TENM2: variants seen among roughly 807,000 people sequenced by gnomAD.
The protein encoded by TENM2 is teneurin-2.
Under a neutral mutation model 245.2 loss-of-function variants are expected in TENM2, and 52 were observed. The ratio of observed to expected loss-of-function variants is 0.21; its 90% confidence interval spans 0.17 to 0.27. TENM2 has a LOEUF of 0.27. Among genes scored for constraint, TENM2 ranks in the 10% least tolerant of loss-of-function variants. TENM2 has a pLI of 1.00. For missense variants in TENM2, 3,046 were observed against 3,666.8 expected (o/e 0.83, Z 4.37); for synonymous variants, 1,363 against 1,438.9 (o/e 0.95, Z 1.19).
chr5:167,756,333 A>G (rs140817924), intron 2 of TENM2, among the ~76,000 whole-genome samples: 111 of 152,026 alleles, frequency 7.3e-4, no homozygotes, highest in African/African-American at 2.6e-3. Flanking sequence ...CTTTTCCACA[A>G]CTCAACCCCA....
intron 19 of TENM2, 115 bp downstream of exon 21, chr5:168,204,736 A>G (rs1456473707): frequency 7.5e-7 from 1 of 1,337,254 alleles, no homozygotes; most frequent in African/African-American, 1.5e-5. Context: ...AGTCCTTGTG[A>G]TCCAAAACCT....
chr5:167,233,569 ACTTTATTAC>A, the TENM2 span, among the ~76,000 whole-genome samples: 1 of 152,062 alleles, frequency 6.6e-6, no homozygotes, highest in African/African-American at 2.4e-5. Flanking sequence ...AAGCAAATCT[ACTTTATTAC>A]AATTAGGGAG....
intron 2 of TENM2, among the ~76,000 whole-genome samples, chr5:167,816,871 C>T (rs1268685660): frequency 6.6e-6 from 1 of 152,080 alleles, no homozygotes; most frequent in Non-Finnish European, 1.5e-5. Context: ...TTATTGCTGG[C>T]TCTACCATTA....
intron 17 of TENM2, among the ~76,000 whole-genome samples, chr5:168,201,007 T>C (rs1224237978): frequency 6.6e-6 from 1 of 152,154 alleles, no homozygotes; most frequent in African/African-American, 2.4e-5. Context: ...TCCTTTTGTG[T>C]AGAGAGAATT....
intron 2 of TENM2, among the ~76,000 whole-genome samples, chr5:167,872,027 T>C (rs1214683870): frequency 1.3e-5 from 2 of 151,938 alleles, no homozygotes; most frequent in Admixed American, 6.6e-5. Context: ...GGCATGATGG[T>C]TCATGCCTGT....
intron 2 of TENM2, among the ~76,000 whole-genome samples, chr5:167,619,434 G>C (rs917820931): frequency 6.6e-6 from 1 of 152,098 alleles, no homozygotes; most frequent in South Asian, 2.1e-4. Flanking sequence ...CTGTGAAATT[G>C]AACCTAGAGG....
intron 24 of TENM2, 99 bp from the exon 27 acceptor site, chr5:168,227,796 A>G: frequency 5.3e-6 from 4 of 760,994 alleles, no homozygotes; most frequent in Non-Finnish European, 6.3e-6. Flanking sequence ...GCAAAGTACC[A>G]TGGAAACCTA....
intron 2 of TENM2, among the ~76,000 whole-genome samples, chr5:167,857,599 T>G (rs1235988273): frequency 1.3e-5 from 2 of 152,212 alleles, no homozygotes; most frequent in Non-Finnish European, 2.9e-5. Context: ...TACTATTTGT[T>G]CATGGAACCC....
chr5:168,090,944 A>C (rs1200315016), intron 8 of TENM2, among the ~76,000 whole-genome samples, 175 bp downstream of exon 10: 1 of 152,136 alleles, frequency 6.6e-6, no homozygotes. Context: ...ATTAAATGGA[A>C]ATGCTGCTTA....
intron 3 of TENM2, among the ~76,000 whole-genome samples, chr5:167,888,028 G>A (rs1013698613): frequency 2.0e-5 from 3 of 151,926 alleles, no homozygotes; most frequent in Non-Finnish European, 4.4e-5. Context: ...CTCCTTATAG[G>A]GATACCAATT....
At chr5:167,393,303 AATAG>A (rs1374357444) in intron 2 of TENM2, among the ~76,000 whole-genome samples, 2 of 152,204 alleles carry the variant, frequency 1.3e-5, no homozygotes, top group East Asian at 3.9e-4. Flanking sequence ...AGACAGTAGA[AATAG>A]ATAGGAGTTT....
intron 4 of TENM2, among the ~76,000 whole-genome samples, chr5:167,966,689 A>AT (rs1561991737): frequency 6.6e-6 from 1 of 152,086 alleles, no homozygotes; most frequent in Non-Finnish European, 1.5e-5. Flanking sequence ...TCTCAGATTG[A>AT]TTTTTCTACC....
intron 2 of TENM2, among the ~76,000 whole-genome samples, chr5:167,442,893 T>C (rs894607550): frequency 2.6e-5 from 4 of 152,310 alleles, no homozygotes; most frequent in African/African-American, 9.6e-5. Context: ...GAATTTATCA[T>C]GGGTCAGTTA....
At chr5:167,947,161 A>G (rs2151809332) in intron 3 of TENM2, among the ~76,000 whole-genome samples, 1 of 152,278 alleles carries the variant, frequency 6.6e-6, no homozygotes, top group Non-Finnish European at 1.5e-5. Context: ...AAGAACTGCC[A>G]TTTCAAAGGA....
intron 4 of TENM2, among the ~76,000 whole-genome samples, chr5:167,958,102 G>A (rs1405888112): frequency 1.3e-5 from 2 of 152,152 alleles, no homozygotes; most frequent in Admixed American, 6.5e-5. Flanking sequence ...TATTGCGTGG[G>A]AGTCTAAGTT....
At chr5:167,548,028 A>G (rs986057008) in intron 2 of TENM2, among the ~76,000 whole-genome samples, 1 of 152,228 alleles carries the variant, frequency 6.6e-6, no homozygotes, top group Admixed American at 6.5e-5. Flanking sequence ...AACTCTGGTC[A>G]TTCATCGATT....
At position 168,198,926 on chromosome 5, in the gene TENM2, C is replaced by T. The variant is rs373290432; in HGVS notation, c.2974C>T (p.Arg992Cys). 2.6e-5 allele frequency: 42 copies of T among 1,614,038 alleles called. No individual in the cohort carries two copies. The East Asian group carries it at 2.9e-4, about 11-fold the overall frequency. Residue 992 changes from arginine to cysteine, a missense_variant, in exon 16 of 29, where the codon CGC becomes TGC. Arg to Cys is a radical substitution (Grantham distance 180). This residue lies in a region of TENM2 where 2,704 missense variants were observed against 3,331.9 expected (regional missense o/e 0.81). Transcript: ENST00000518659. Reference sequence around the variant, plus strand: ...GCGAGCCCCGTTCATGAGCCAGGAGCGCACTGTGTGGCTGCCGTGGAACAG... The same window carrying T: ...GCGAGCCCCGTTCATGAGCCAGGAGTGCACTGTGTGGCTGCCGTGGAACAG...
At chr5:167,916,829 T>C (rs1342588506) in intron 3 of TENM2, among the ~76,000 whole-genome samples, 1 of 152,220 alleles carries the variant, frequency 6.6e-6, no homozygotes, top group Non-Finnish European at 1.5e-5. Context: ...CTTCTTGGGG[T>C]AAGCAAAACC....
chr5:167,530,959 A>C (rs1771455633), intron 2 of TENM2, among the ~76,000 whole-genome samples: 1 of 152,216 alleles, frequency 6.6e-6, no homozygotes, highest in Non-Finnish European at 1.5e-5. Flanking sequence ...GACTGGACTG[A>C]GCTGAAGTGA....
Sources: allele counts gnomAD v4.1 joint callset (sites outside exome capture counted in the v4.1 genomes callset), GRCh38; gene constraint gnomAD v4.1.1; regional missense constraint gnomAD v4.1.1; transcripts MANE v1.5; gene names NCBI Gene and HGNC (gene_info 2026-07-23, HGNC 2026-07-21).